The following CCDC136 variants were observed in gnomAD, a reference collection of about 807,000 sequenced individuals.
CCDC136 encodes the protein coiled-coil domain containing 136, also known as coiled-coil domain-containing protein 136.
CCDC136 carries 100 observed loss-of-function variants against 141.2 expected under a neutral mutation model. The observed-to-expected ratio is 0.71, with a 90% CI of 0.60 to 0.84. The LOEUF is 0.84. Ranked by LOEUF, CCDC136 falls within the 40% of genes least tolerant of loss-of-function variation. The pLI is 0.00. For synonymous variants in CCDC136, 474 were observed against 531.9 expected, an observed-to-expected ratio of 0.89 and a Z score of 1.50; for missense variants, 1,206 against 1,379.4, an observed-to-expected ratio of 0.87 and a Z score of 1.99.
At chr7:128,815,993 G>C (rs1384252808) in intron 16 of CCDC136, 62 bp downstream of exon 16, 3 of 1,500,190 alleles carry the variant, frequency 2.0e-6, no homozygotes, top group Non-Finnish European at 2.7e-6. Flanking sequence ...ATAACTCCGA[G>C]TTAATGGGTG....
chr7:128,800,222 A>G (rs1562909089), intron 3 of CCDC136, among the ~76,000 whole-genome samples: 1 of 152,172 alleles, frequency 6.6e-6, no homozygotes, highest in Non-Finnish European at 1.5e-5. Context: ...TGTTTTCACC[A>G]TAGATCTGAT....
chr7:128,791,564 C>A, upstream of CCDC136: 1 of 1,252,648 alleles, frequency 8.0e-7, no homozygotes, highest in South Asian at 3.2e-5. The surrounding 1 kb of genome is among the most constrained non-coding windows in gnomAD (Gnocchi z 7.1). Context: ...CAGAGCCGCC[C>A]CTCCGTCACC....
intron 3 of CCDC136, among the ~76,000 whole-genome samples, chr7:128,798,669 A>T (rs562908004): frequency 6.6e-6 from 1 of 152,254 alleles, no homozygotes; most frequent in African/African-American, 2.4e-5. Context: ...CCCAGACTCT[A>T]GGGCCTTTGT....
intron 7 of CCDC136, 124 bp from the exon 8 acceptor site, chr7:128,806,113 A>G: frequency 1.9e-6 from 2 of 1,037,960 alleles, no homozygotes; most frequent in Non-Finnish European, 1.4e-6. Flanking sequence ...CACAGAAGAA[A>G]CCAAACCCTA....
intron 17 of CCDC136, among the ~76,000 whole-genome samples, chr7:128,820,756 T>C (rs1338181479): frequency 6.6e-6 from 1 of 152,334 alleles, no homozygotes; most frequent in Non-Finnish European, 1.5e-5. Context: ...AGTTACTCTG[T>C]ATATCCACCT....
At position 128,810,188 on chromosome 7, in the gene CCDC136, T is replaced by G. The variant is rs764229697; in HGVS notation, c.1850T>G (p.Leu617Arg). The change falls in exon 12 of 18, where the codon CTC (leucine) becomes CGC (arginine). Residue 617 changes from leucine to arginine, a missense_variant. Coordinates refer to ENST00000297788, the MANE Select transcript of CCDC136 (RefSeq NM_022742.5). ...KLEDLCELQL[L>R]YQGMQEEQKK... ...GAAGACCTGTGTGAGCTGCAGCTGCTCTACCAAGGCATGCAGGAGGAACAG... is the reference window on the plus strand; with the variant it reads ...GAAGACCTGTGTGAGCTGCAGCTGCGCTACCAAGGCATGCAGGAGGAACAG... The G allele has an allele frequency of 6.2e-7, 1 of 1,608,086 alleles. No individual in the cohort carries two copies. Among genetic ancestry groups the G allele is most frequent in the Admixed American group, 1.7e-5 (1 of 59,034 alleles).
intron 3 of CCDC136, among the ~76,000 whole-genome samples, chr7:128,795,019 C>T (rs776618577): frequency 6.6e-6 from 1 of 152,210 alleles, no homozygotes; most frequent in Non-Finnish European, 1.5e-5. Flanking sequence ...CTCCCTGTCA[C>T]CTCCTGTCCC....
At chr7:128,808,787 C>A (rs1025829888) in intron 10 of CCDC136, 7 of 985,240 alleles carry the variant, frequency 7.1e-6, no homozygotes, top group Non-Finnish European at 7.2e-6. Flanking sequence ...TTGCTCGTCA[C>A]CTCTTCCCCT....
At position 128,794,768 on chromosome 7, in the gene CCDC136, G is replaced by A; in HGVS notation, c.346G>A (p.Gly116Ser). The change falls in exon 3 of 18, where the codon GGT becomes AGT. Residue 116 changes from glycine to serine, a missense_variant and splice_region_variant. Gly to Ser is a moderately conservative substitution (Grantham distance 56, BLOSUM62 0). Coordinates refer to ENST00000297788, the MANE Select transcript of CCDC136 (RefSeq NM_022742.5). This position sits in a 1 kb window ranked among gnomAD's most constrained non-coding sequence, Gnocchi z 4.3. ...VFTKQIQQLQ[G>S]ELRSLREEIS... ...CACCAAGCAGATCCAGCAGCTCCAA[G>A]GTAATTCCCAGGACTTGGACTGGAG... The A allele has an allele frequency of 6.4e-7, 1 of 1,551,638 alleles. No homozygotes were observed.
chr7:128,803,294 CT>C (rs1455034562), intron 4 of CCDC136, among the ~76,000 whole-genome samples: 1 of 152,192 alleles, frequency 6.6e-6, no homozygotes, highest in Non-Finnish European at 1.5e-5. Context: ...GTGTAAACCA[CT>C]GCACCCGGCC....
At chr7:128,819,939 G>A (rs984159721) in intron 17 of CCDC136, among the ~76,000 whole-genome samples, 2 of 152,128 alleles carry the variant, frequency 1.3e-5, no homozygotes, top group Non-Finnish European at 2.9e-5. Context: ...TCTGCAGATT[G>A]TGTATGCTAA....
chr7:128,798,913 T>A (rs1431796805), intron 3 of CCDC136, among the ~76,000 whole-genome samples: 1 of 152,038 alleles, frequency 6.6e-6, no homozygotes, highest in African/African-American at 2.4e-5. Context: ...TGCCCATAGT[T>A]CCACATGTGA....
At chr7:128,796,743 T>TATATATATATATATATATATATA (rs1282909541) in intron 3 of CCDC136, among the ~76,000 whole-genome samples, 8 of 99,480 alleles carry the variant, frequency 8.0e-5, no homozygotes, top group East Asian at 6.1e-4. Flanking sequence ...ATATATATTC[T>TATATATATATATATATATATATA]TTTTTTTTTT....
At chr7:128,800,308 C>T (rs966234889) in intron 3 of CCDC136, among the ~76,000 whole-genome samples, 10 of 152,094 alleles carry the variant, frequency 6.6e-5, no homozygotes, top group South Asian at 2.1e-4. Flanking sequence ...TATTATTTTT[C>T]GAGACCGAGT....
At chr7:128,807,761 C>A in intron 10 of CCDC136, 1 of 355,254 alleles carries the variant, frequency 2.8e-6, no homozygotes, top group Non-Finnish European at 5.1e-6. Flanking sequence ...CTTTGGATCC[C>A]AGTCTGAACC....
Position 128,815,665 on chromosome 7 carries a change from C to G in CCDC136, c.3097C>G (p.Leu1033Val). 1 of 1,555,278 alleles carries G rather than the reference C, an allele frequency of 6.4e-7. No individual in the cohort carries two copies. Among genetic ancestry groups the G allele is most frequent in the East Asian group, 2.4e-5 (1 of 41,180 alleles). ...GGCCAGCCAGAGGAAATTAGATGGACTAGCAAAAGAGGAGGAAAAGAAAGA... is the reference window on the plus strand; with the variant it reads ...GGCCAGCCAGAGGAAATTAGATGGAGTAGCAAAAGAGGAGGAAAAGAAAGA... ...YKASQRKLDG[L>V]AKEEEKKEEM... The change falls in exon 16 of 18, where the codon CTA becomes GTA. Residue 1033 changes from leucine to valine, a missense_variant. Coordinates refer to ENST00000297788, the MANE Select transcript of CCDC136 (RefSeq NM_022742.5).
intron 4 of CCDC136, among the ~76,000 whole-genome samples, chr7:128,801,807 A>G (rs1804073831): frequency 6.6e-6 from 1 of 152,208 alleles, no homozygotes; most frequent in South Asian, 2.1e-4. Flanking sequence ...AAAAGACAGT[A>G]AAGGGGAAAA....
rs1806558852 is a variant in CCDC136, at chr7:128,815,947, G to A, written c.3363+16G>A. On this transcript the variant is annotated intron_variant, in intron 16 of 17. Transcript: ENST00000297788. ...GAGCAAAAAGGTAACCAGAGCCAAAGCCTAGATCAAGTGGGAAGTGGGGTC... is the reference window on the plus strand; with the variant it reads ...GAGCAAAAAGGTAACCAGAGCCAAAACCTAGATCAAGTGGGAAGTGGGGTC... The A allele has an allele frequency of 6.3e-7, 1 of 1,596,818 alleles. No homozygotes were observed. Among genetic ancestry groups the A allele is most frequent in the South Asian group, 1.1e-5 (1 of 88,566 alleles).
chr7:128,799,779 C>T (rs1361607998), intron 3 of CCDC136, among the ~76,000 whole-genome samples: 1 of 151,984 alleles, frequency 6.6e-6, no homozygotes, highest in Non-Finnish European at 1.5e-5. Context: ...CCCTCCCAAC[C>T]CAATCCTCAT....
Sources: gnomAD v4.1 joint callset for allele counts (sites outside exome capture counted in the v4.1 genomes callset) on GRCh38, gnomAD v4.1.1 for gene constraint, Gnocchi (gnomAD v3.1) non-coding constraint, MANE v1.5 for transcripts, NCBI Gene and HGNC (gene_info 2026-07-23, HGNC 2026-07-21) for gene names.